ATP7A: variants seen among roughly 807,000 people sequenced by gnomAD.
ATP7A encodes copper-transporting ATPase 1.
A neutral mutation model predicts 83.5 loss-of-function variants in ATP7A; 7 were observed. The ratio of observed to expected loss-of-function variants is 0.08; its 90% CI spans 0.05 to 0.16. The LOEUF is 0.16. ATP7A is among the 10% of genes least tolerant of loss of function. ATP7A has a pLI of 1.00. For synonymous variants in ATP7A, 354 were observed against 395.2 expected (o/e 0.90, Z 1.24); for missense variants, 940 against 1,120.8 (o/e 0.84, Z 2.30).
chrX:78,040,516 G>T, intron 18 of ATP7A, 75 bp from the exon 19 acceptor site: 1 of 1,147,389 alleles, frequency 8.7e-7, no homozygotes, highest in South Asian at 1.9e-5. Context: ...ATTTCATTCT[G>T]AAATTTCAAG....
chrX:78,002,799 T>TACACACACAC (rs781808445), intron 5 of ATP7A, among the ~76,000 whole-genome samples: 32 of 87,127 alleles, frequency 3.7e-4, no homozygotes, highest in African/African-American at 5.6e-4. Context: ...TATGTTCTTA[T>TACACACACAC]ACACACACAC....
intron 14 of ATP7A, among the ~76,000 whole-genome samples, chrX:78,022,942 CCTT>C (rs2077918027): frequency 9.0e-6 from 1 of 111,492 alleles, no homozygotes; most frequent in Admixed American, 9.6e-5. Context: ...TGCCCCCCTC[CCTT>C]CTTCTCACCT....
At chrX:77,913,540 T>C (rs2077171342) in intron 1 of ATP7A, among the ~76,000 whole-genome samples, 1 of 112,093 alleles carries the variant, frequency 8.9e-6, no homozygotes, top group South Asian at 3.6e-4. Flanking sequence ...GTGATATTAC[T>C]TGCTTACTTA....
chrX:77,948,444 G>C (rs782105129), intron 1 of ATP7A, among the ~76,000 whole-genome samples: 1 of 112,232 alleles, frequency 8.9e-6, no homozygotes, highest in Non-Finnish European at 1.9e-5. Flanking sequence ...TTTTAAAAAA[G>C]TGTCTGCCTT....
At chrX:77,969,051 A>G (rs375005569) in intron 1 of ATP7A, 25 of 1,210,062 alleles carry the variant, frequency 2.1e-5, no homozygotes, top group Non-Finnish European at 2.7e-5. Flanking sequence ...GACCCTCCAC[A>G]TGCTTGGCAA....
At chrX:77,961,971 C>T (rs2077476620) in intron 1 of ATP7A, among the ~76,000 whole-genome samples, 1 of 112,000 alleles carries the variant, frequency 8.9e-6, no homozygotes, top group African/African-American at 3.2e-5. Context: ...CAAAAAGTCA[C>T]TTCATGGGGG....
intron 1 of ATP7A, among the ~76,000 whole-genome samples, chrX:77,922,607 T>C (rs984225481): frequency 9.0e-6 from 1 of 111,292 alleles, no homozygotes; most frequent in Non-Finnish European, 1.9e-5. Context: ...ATGTTAGCCT[T>C]CATTATTTCT....
chrX:78,011,563 G>A lies in ATP7A; in HGVS notation c.2061G>A (p.Met687Ile). ...CAACTCTTCACCATAATCAAAACATGAGTAAAGAAGAAATGATCAACCTTC... is the reference window on the plus strand; with the variant it reads ...CAACTCTTCACCATAATCAAAACATAAGTAAAGAAGAAATGATCAACCTTC... ...HFATLHHNQNMSKEEMINLHS... is the reference protein window; with the variant it reads ...HFATLHHNQNISKEEMINLHS... The change falls in exon 9 of 23, where the codon ATG becomes ATA. Residue 687 changes from methionine (M) to isoleucine (I), a missense_variant. By Grantham distance (10) the Met-to-Ile change is conservative (BLOSUM62 1). This residue lies in a region of ATP7A where 204 missense variants were observed against 185.8 expected (regional missense o/e 1.10). Transcript: ENST00000341514. The A allele has an allele frequency of 8.3e-7, 1 of 1,210,871 alleles. No individual in the cohort carries two copies. The highest frequency in any genetic ancestry group is 1.1e-6 in the Non-Finnish European group (1 of 895,007).
chrX:78,034,945 T>C (rs1050071777), intron 17 of ATP7A, among the ~76,000 whole-genome samples: 1 of 110,175 alleles, frequency 9.1e-6, no homozygotes, highest in African/African-American at 3.3e-5. Flanking sequence ...GGTTTCACCA[T>C]GTTAGCCAGG....
At chrX:78,011,065 A>G in intron 7 of ATP7A, 111 bp from the exon 8 acceptor site, 1 of 617,019 alleles carries the variant, frequency 1.6e-6, no homozygotes, top group Non-Finnish European at 2.7e-6. Flanking sequence ...CCCCAGAGTG[A>G]CTTGCCCTCA....
intron 1 of ATP7A, among the ~76,000 whole-genome samples, chrX:77,925,588 A>G (rs930191390): frequency 3.4e-4 from 38 of 111,627 alleles, no homozygotes; most frequent in Non-Finnish European, 1.3e-4. Flanking sequence ...TTGTTCATTA[A>G]GAAAGGGAGG....
chrX:78,046,350 A>G lies in ATP7A; in HGVS notation c.4283A>G (p.Gln1428Arg). 2 of 1,211,610 alleles carry G rather than the reference A, an allele frequency of 1.7e-6. No homozygotes were observed. The highest frequency in any genetic ancestry group is 1.1e-6 in the Non-Finnish European group (1 of 895,022). The change falls in exon 23 of 23, where the codon CAG becomes CGG. Residue 1428 changes from glutamine to arginine, a missense_variant. By Grantham distance (43) the Gln-to-Arg change is conservative. This residue lies in a region of ATP7A where 386 missense variants were observed against 502.2 expected (regional missense o/e 0.77). Transcript: ENST00000341514. The stretch of plus-strand genomic sequence containing the variant: ...CTGCCTGCCCGGAGCCAGATAGGAC[A>G]GAAGAGTCCTTCAGAAATCAGCGTT... ...YELPARSQIG[Q>R]KSPSEISVHV...
chrX:78,047,535 C>T lies in ATP7A; in HGVS notation c.*965C>T, dbSNP rs2078090412. 1 of 111,649 alleles carries T rather than the reference C, an allele frequency of 9.0e-6. No individual in the cohort carries two copies. The highest frequency in any genetic ancestry group is 1.9e-5 in the Non-Finnish European group (1 of 53,153). 9.2% of individuals were successfully genotyped at this position (111,649 alleles called of 1,213,427 possible). A position where few individuals can be genotyped will look rare whatever the true frequency, so the allele number is the denominator to read the frequency against. On this transcript the variant is annotated 3_prime_UTR_variant, in exon 23 of 23. Transcript: ENST00000341514. Reference sequence around the variant, plus strand: ...TACATATACAGGTCATATAAAATTACCTGGATTCACTAAATTTGTTTGTTG... The same window carrying T: ...TACATATACAGGTCATATAAAATTATCTGGATTCACTAAATTTGTTTGTTG...
chrX:77,980,803 G>A (rs2077600891), intron 2 of ATP7A, among the ~76,000 whole-genome samples: 1 of 111,176 alleles, frequency 9.0e-6, no homozygotes, highest in Non-Finnish European at 1.9e-5. Flanking sequence ...TGAGTAGCTG[G>A]GATTACAGGT....
Position 77,962,546 on chromosome X carries a change from C to T in ATP7A, c.-21-9075C>T, listed in dbSNP as rs1174150115. On this transcript the variant is annotated intron_variant, in intron 1 of 22. Transcript: ENST00000341514. ...GACACCCTCCACTGTTAACACCAGC[C>T]CTTCCCTGTGGCTGACCCTGAGGTG... The T allele has an allele frequency of 9.9e-6, 3 of 302,007 alleles. No homozygotes were observed. The South Asian group carries it at 1.0e-4, about 10-fold the overall frequency. The allele number at this position is 302,007 out of a possible 1,213,427, so 24.9% of individuals were successfully genotyped here. A position where few individuals can be genotyped will look rare whatever the true frequency, so the allele number is the denominator to read the frequency against.
intron 1 of ATP7A, chrX:77,969,534 G>C: frequency 1.7e-6 from 2 of 1,211,257 alleles, no homozygotes; most frequent in Non-Finnish European, 2.2e-6. Context: ...TCGCCTCCTC[G>C]TGGCCCGCCG....
chrX:78,000,487 C>T lies in ATP7A; in HGVS notation c.1543+1803C>T, dbSNP rs910185699. Among the ~76,000 whole-genome samples, 5 of 109,159 alleles carry T rather than the reference C, an allele frequency of 4.6e-5. 1 individual carries two copies. The South Asian group carries it at 1.9e-3, about 42-fold the overall frequency. 94.8% of individuals were successfully genotyped at this position (109,159 alleles called of 115,157 possible). A position where few individuals can be genotyped will look rare whatever the true frequency, so the allele number is the denominator to read the frequency against. On this transcript the variant is annotated intron_variant, in intron 5 of 22. Transcript: ENST00000341514. The stretch of plus-strand genomic sequence containing the variant: ...TTCCATATTATCCCCTTTACAACCT[C>T]TTAGCCCAGTTAGAAATAACTTTAG...
At position 77,988,385 on chromosome X, in the gene ATP7A, G is replaced by T; in HGVS notation, c.264G>T (p.Leu88Phe). The change falls in exon 3 of 23, where the codon TTG becomes TTT. Residue 88 changes from leucine to phenylalanine, a missense_variant. Coordinates refer to ENST00000341514, the MANE Select transcript of ATP7A (RefSeq NM_000052.7). ...PDPLPVLTDT[L>F]FLTVTASLTL... ...CTCTCCCTGTTTTAACTGACACCTT[G>T]TTTCTGACTGTTACGGCGTCACTGA... is the stretch of plus-strand genomic sequence containing the variant. 8.3e-7 allele frequency: 1 copy of T among 1,211,379 alleles called. No individual in the cohort carries two copies. Among genetic ancestry groups the T allele is most frequent in the Non-Finnish European group, 1.1e-6 (1 of 895,320 alleles).
At chrX:77,930,550 A>G (rs1327050202) in intron 1 of ATP7A, among the ~76,000 whole-genome samples, 2 of 111,940 alleles carry the variant, frequency 1.8e-5, no homozygotes, top group African/African-American at 6.5e-5. Flanking sequence ...GCTAGCTGCC[A>G]TTCACTCAAT....
Sources: allele counts gnomAD v4.1 joint callset (sites outside exome capture counted in the v4.1 genomes callset), GRCh38; gene constraint gnomAD v4.1.1; regional missense constraint gnomAD v4.1.1; transcripts MANE v1.5; gene names NCBI Gene and HGNC (gene_info 2026-07-23, HGNC 2026-07-21).